ATF7IP2: variants seen among roughly 807,000 people sequenced by gnomAD.
ATF7IP2 encodes the protein activating transcription factor 7-interacting protein 2.
In ATF7IP2, 42 loss-of-function variants were observed where a neutral mutation model predicts 64.2. The observed-to-expected ratio is 0.65, with a 90% CI of 0.51 to 0.85. The LOEUF (loss-of-function observed/expected upper bound fraction) is 0.85. Ranked by LOEUF, ATF7IP2 falls within the 40% of genes least tolerant of loss-of-function variation. ATF7IP2 has a pLI of 0.00. For missense variants in ATF7IP2, 933 were observed against 784.2 expected (o/e 1.19, Z -2.27); for synonymous variants, 308 against 272.8 (o/e 1.13, Z -1.27).
chr16:10,388,520 C>T (rs2047252436), intron 1 of ATF7IP2, among the ~76,000 whole-genome samples: 1 of 152,064 alleles, frequency 6.6e-6, no homozygotes, highest in African/African-American at 2.4e-5. Flanking sequence ...AATAGCTTAT[C>T]AGATAGCCAT....
intron 9 of ATF7IP2, among the ~76,000 whole-genome samples, chr16:10,464,881 GTGCAACGGCACGATCTCAGCTCAC>G (rs2049506607): frequency 6.6e-6 from 1 of 152,216 alleles, no homozygotes; most frequent in Non-Finnish European, 1.5e-5. Flanking sequence ...CCAGGCTGGA[GTGCAACGGCACGATCTCAGCTCAC>G]TGCAACCTTT....
At chr16:10,410,233 C>T in intron 1 of ATF7IP2, among the ~76,000 whole-genome samples, 1 of 152,196 alleles carries the variant, frequency 6.6e-6, no homozygotes. Flanking sequence ...TTGTTTGTAT[C>T]ATCTGTGATT....
At chr16:10,423,523 A>G (rs942711728) in intron 3 of ATF7IP2, among the ~76,000 whole-genome samples, 2 of 152,178 alleles carry the variant, frequency 1.3e-5, no homozygotes, top group African/African-American at 4.8e-5. Context: ...TTCCTGCCTG[A>G]AAAGAACTGA....
intron 3 of ATF7IP2, among the ~76,000 whole-genome samples, chr16:10,424,310 G>A (rs993189012): frequency 2.6e-5 from 4 of 152,140 alleles, no homozygotes; most frequent in South Asian, 4.1e-4. Context: ...GTCTGTTTAT[G>A]GCTAGATTTG....
chr16:10,393,640 C>T (rs896794394), intron 1 of ATF7IP2, among the ~76,000 whole-genome samples: 1 of 152,076 alleles, frequency 6.6e-6, no homozygotes. Flanking sequence ...CTATGATGCT[C>T]GGTAGGTTAG....
chr16:10,423,805 C>T (rs1302305076), intron 3 of ATF7IP2, among the ~76,000 whole-genome samples: 1 of 152,136 alleles, frequency 6.6e-6, no homozygotes, highest in Non-Finnish European at 1.5e-5. Flanking sequence ...GAGCCAGAGC[C>T]CATACTTGTC....
intron 6 of ATF7IP2, among the ~76,000 whole-genome samples, chr16:10,435,496 G>C (rs2048391452): frequency 6.6e-6 from 1 of 152,178 alleles, no homozygotes; most frequent in Non-Finnish European, 1.5e-5. Flanking sequence ...ATTACCATTG[G>C]TAAAAACATT....
chr16:10,449,347 C>T (rs2048911960), intron 8 of ATF7IP2: 1 of 152,218 alleles, frequency 6.6e-6, no homozygotes, highest in South Asian at 2.1e-4. Flanking sequence ...AGGATTCCCT[C>T]TTTTTCTATT....
At chr16:10,392,868 TC>T (rs1458713476) in intron 1 of ATF7IP2, among the ~76,000 whole-genome samples, 1 of 150,964 alleles carries the variant, frequency 6.6e-6, no homozygotes, top group Non-Finnish European at 1.5e-5. Flanking sequence ...GCCCCTGATG[TC>T]CCTGCTACTT....
chr16:10,446,614 C>G (rs917114927), intron 8 of ATF7IP2: 1 of 152,128 alleles, frequency 6.6e-6, no homozygotes, highest in African/African-American at 2.4e-5. Flanking sequence ...ACTGAGGGTT[C>G]GAGGATTGGT....
chr16:10,428,206 A>T (rs1006700768), intron 3 of ATF7IP2, among the ~76,000 whole-genome samples: 1 of 152,240 alleles, frequency 6.6e-6, no homozygotes, highest in African/African-American at 2.4e-5. Flanking sequence ...CAGGTTACTG[A>T]TAGTATTCTA....
At chr16:10,386,698 G>A (rs2047210370) in intron 1 of ATF7IP2, 1 of 152,146 alleles carries the variant, frequency 6.6e-6, no homozygotes, top group Admixed American at 6.6e-5. Flanking sequence ...CTCTGAGCTT[G>A]CCGGTGTAAG....
chr16:10,388,565 A>C (rs2047253756), intron 1 of ATF7IP2, among the ~76,000 whole-genome samples: 1 of 152,200 alleles, frequency 6.6e-6, no homozygotes, highest in Admixed American at 6.5e-5. Context: ...AGTACTCTTT[A>C]CTAAGGAGAC....
In ATF7IP2 at chr16:10,433,660, G is replaced by A. The variant is rs748710667; in HGVS notation, c.960+11G>A. ...GCATTCCTGGAACAGGTAAAATATT[G>A]GGGCTTAAATGGAACTTTTACTTTT... is the stretch of plus-strand genomic sequence containing the variant. On this transcript the variant is annotated intron_variant, in intron 6 of 13. Transcript: ENST00000562102. The A allele has an allele frequency of 8.7e-6, 14 of 1,611,808 alleles. No homozygotes were observed. Among genetic ancestry groups the A allele is most frequent in the Admixed American group, 8.4e-5 (5 of 59,560 alleles).
chr16:10,463,780 A>G (rs2049454441), intron 9 of ATF7IP2, among the ~76,000 whole-genome samples: 1 of 152,244 alleles, frequency 6.6e-6, no homozygotes. Flanking sequence ...CAATAGAGAT[A>G]CAATACAATA....
intron 1 of ATF7IP2, among the ~76,000 whole-genome samples, chr16:10,413,796 T>C (rs555044493): frequency 6.6e-6 from 1 of 152,344 alleles, no homozygotes; most frequent in East Asian, 1.9e-4. Flanking sequence ...TTATGAAGCT[T>C]AGTTTCACTG....
At chr16:10,431,683 T>A (rs1295217573) in intron 5 of ATF7IP2, among the ~76,000 whole-genome samples, 1 of 152,198 alleles carries the variant, frequency 6.6e-6, no homozygotes, top group Non-Finnish European at 1.5e-5. Context: ...TTTCCTTAAG[T>A]ACAAAATATC....
At position 10,473,577 on chromosome 16, in the gene ATF7IP2, T is replaced by C. The variant is rs761299897; in HGVS notation, c.1482+43T>C. The C allele has an allele frequency of 1.8e-5, 24 of 1,371,162 alleles. No homozygotes were observed. The South Asian group carries it at 2.3e-4, about 13-fold the overall frequency. 84.9% of individuals were successfully genotyped at this position (1,371,162 alleles called of 1,614,324 possible). A position where few individuals can be genotyped will look rare whatever the true frequency, so the allele number is the denominator to read the frequency against. On this transcript the variant is annotated intron_variant, in intron 11 of 13. Transcript: ENST00000562102. ...ACTCTGAATATTGTTTATTTAAATA[T>C]GTTAGTTCAAGGAACTTTAGTGTTT...
intron 8 of ATF7IP2, chr16:10,448,260 T>C (rs775551642): frequency 6.6e-6 from 1 of 152,220 alleles, no homozygotes; most frequent in Non-Finnish European, 1.5e-5. Flanking sequence ...TATGGGCTCT[T>C]TTTTGGTTCC....
Sources: allele counts gnomAD v4.1 joint callset (sites outside exome capture counted in the v4.1 genomes callset), GRCh38; gene constraint gnomAD v4.1.1; transcripts MANE v1.5; gene names NCBI Gene and HGNC (gene_info 2026-07-23, HGNC 2026-07-21).